OSBPL3: variants seen among roughly 807,000 people sequenced by gnomAD.
OSBPL3 encodes oxysterol-binding protein-related protein 3.
A neutral mutation model predicts 120.1 loss-of-function variants in OSBPL3; 65 were observed. The observed-to-expected ratio is 0.54, with a 90% CI of 0.44 to 0.67. The LOEUF is 0.67. Among genes scored for constraint, OSBPL3 ranks in the 30% least tolerant of loss-of-function variants. The probability of loss-of-function intolerance (pLI) is 0.00; values close to 1 mark genes in which losing one functional copy is unlikely to be tolerated. For synonymous variants in OSBPL3, 416 were observed against 402.6 expected, an observed-to-expected ratio of 1.03 and a Z score of -0.40; for missense variants, 1,004 against 1,082.1, an observed-to-expected ratio of 0.93 and a Z score of 1.01.
At chr7:24,866,034 C>A (rs544110335) in intron 6 of OSBPL3, 36 bp downstream of exon 6, 29 of 1,572,906 alleles carry the variant, frequency 1.8e-5, no homozygotes, top group Non-Finnish European at 2.4e-5. Flanking sequence ...AAAGCCACCC[C>A]GTTCTCAGAT....
chr7:24,828,633 A>AAAAAAAAAG (rs1554349993), intron 16 of OSBPL3, among the ~76,000 whole-genome samples: 7 of 134,626 alleles, frequency 5.2e-5, no homozygotes, highest in Non-Finnish European at 9.9e-5. Context: ...AAAAAAAAAA[A>AAAAAAAAAG]AAAGGCATCG....
In OSBPL3 at chr7:24,806,957, T is replaced by G; in HGVS notation, c.2318-55A>C. ...ACTTGCATGTTACTTATGTTACATT[T>G]TAATTCCTTCACCTTTTTCGTCTCA... is the stretch of plus-strand genomic sequence containing the variant. On this transcript the variant is annotated intron_variant, in intron 20 of 22. Transcript: ENST00000313367. The surrounding 1 kb of genome is among the most constrained non-coding windows in gnomAD (Gnocchi z 5.2). The G allele has an allele frequency of 6.7e-7, 1 of 1,490,548 alleles. No homozygotes were observed. The highest frequency in any genetic ancestry group is 9.1e-7 in the Non-Finnish European group (1 of 1,101,880). The allele number at this position is 1,490,548 out of a possible 1,614,324, so 92.3% of individuals were successfully genotyped here.
chr7:24,908,072 T>C (rs1210931306), intron 1 of OSBPL3, among the ~76,000 whole-genome samples: 1 of 152,218 alleles, frequency 6.6e-6, no homozygotes, highest in African/African-American at 2.4e-5. Context: ...CCATTTTAAG[T>C]CTTTGGCCAC....
chr7:24,892,530 C>T lies in OSBPL3; in HGVS notation c.-58G>A, dbSNP rs911936184. 122 of 1,584,352 alleles carry T rather than the reference C, an allele frequency of 7.7e-5. No homozygotes were observed. Among genetic ancestry groups the T allele is most frequent in the Non-Finnish European group, 1.0e-4 (118 of 1,158,700 alleles). On this transcript the variant is annotated 5_prime_UTR_variant, in exon 2 of 23. Transcript: ENST00000313367. ...AAATGCCATCAGATGACAAGGGAGC[C>T]GAGAGTATGGAAGTCCCCAGTGGCA...
chr7:24,866,820 G>A (rs189459059), intron 5 of OSBPL3, among the ~76,000 whole-genome samples: 94 of 152,252 alleles, frequency 6.2e-4, no homozygotes, highest in African/African-American at 2.2e-3. Flanking sequence ...TTATTTATTT[G>A]AGACGGAGTC....
rs1054184174 is a variant in OSBPL3, at chr7:24,964,389, T to G, written c.-150+15497A>C. On this transcript the variant is annotated intron_variant, in intron 1 of 22. Coordinates refer to ENST00000313367, the MANE Select transcript of OSBPL3 (RefSeq NM_015550.4). This position sits in a 1 kb window ranked among gnomAD's most constrained non-coding sequence, Gnocchi z 4.2. ...AAATCATGCTGCTAACATATACTCT[T>G]GATATGATGTAATGAGAATGGCATT... Among the ~76,000 whole-genome samples the G allele has an allele frequency of 4.1e-4, 63 of 152,220 alleles. No individual in the cohort carries two copies. Among genetic ancestry groups the G allele is most frequent in the Non-Finnish European group, 1.6e-4 (11 of 68,038 alleles).
At chr7:24,886,019 C>T (rs1303993715) in intron 2 of OSBPL3, among the ~76,000 whole-genome samples, 1 of 152,160 alleles carries the variant, frequency 6.6e-6, no homozygotes, top group Non-Finnish European at 1.5e-5. Context: ...ATTCTCCCTC[C>T]CACTTAGATA....
intron 10 of OSBPL3, among the ~76,000 whole-genome samples, chr7:24,856,037 T>TA (rs1227265328): frequency 1.3e-5 from 2 of 152,228 alleles, no homozygotes; most frequent in African/African-American, 4.8e-5. Context: ...TTCCTGCTGC[T>TA]AAGACATTTG....
intron 1 of OSBPL3, among the ~76,000 whole-genome samples, chr7:24,957,631 T>C (rs1419336781): frequency 6.6e-6 from 1 of 152,202 alleles, no homozygotes; most frequent in Non-Finnish European, 1.5e-5. Context: ...TATCAACCAC[T>C]GAATTATTTT....
At chr7:24,948,328 A>G (rs962225058) in intron 1 of OSBPL3, among the ~76,000 whole-genome samples, 1 of 152,232 alleles carries the variant, frequency 6.6e-6, no homozygotes, top group African/African-American at 2.4e-5. Context: ...TTTTCTATTA[A>G]TACTTCAGAA....
Position 24,826,269 on chromosome 7 carries a change from T to A in OSBPL3, c.1884+4499A>T, listed in dbSNP as rs143022086. 2.9e-3 allele frequency among the ~76,000 whole-genome samples: 443 copies of A among 152,232 alleles called. 3 individuals are homozygous for A. The highest frequency in any genetic ancestry group is 0.01 in the African/African-American group (426 of 41,536). On this transcript the variant is annotated intron_variant, in intron 16 of 22. Transcript: ENST00000313367. ...GTAGAAAGCCAAGGTTGAAACCGAT[T>A]TTTTGGCACAAAGGAAACCTCTGAG...
intron 1 of OSBPL3, among the ~76,000 whole-genome samples, chr7:24,943,682 G>C (rs1294751524): frequency 6.6e-6 from 1 of 152,166 alleles, no homozygotes; most frequent in Non-Finnish European, 1.5e-5. Context: ...TTTTGAAACA[G>C]ATCAGGCAAG....
chr7:24,960,638 A>C (rs1011796579), intron 1 of OSBPL3, among the ~76,000 whole-genome samples: 1 of 152,194 alleles, frequency 6.6e-6, no homozygotes, highest in African/African-American at 2.4e-5. Context: ...TTTGATCCCA[A>C]CAAAACTCAA....
intron 1 of OSBPL3, among the ~76,000 whole-genome samples, chr7:24,979,031 G>C (rs1817892994): frequency 6.6e-6 from 1 of 152,212 alleles, no homozygotes; most frequent in Non-Finnish European, 1.5e-5. Flanking sequence ...TCCCCGGGAA[G>C]CTGGGCAGCG....
rs1235570422 is a variant in OSBPL3 at position 24,818,500 on chromosome 7, A to G, written c.1948+1675T>C. Among the ~76,000 whole-genome samples the G allele has an allele frequency of 1.3e-5, 2 of 152,224 alleles. No homozygotes were observed. The highest frequency in any genetic ancestry group is 2.9e-5 in the Non-Finnish European group (2 of 68,046). On this transcript the variant is annotated intron_variant, in intron 17 of 22. Coordinates refer to ENST00000313367, the MANE Select transcript of OSBPL3 (RefSeq NM_015550.4). The surrounding 1 kb of genome is among the most constrained non-coding windows in gnomAD (Gnocchi z 4.0). ...GTAAATCTCACTATATGAAACTGGC[A>G]TAATATTATTTGATGATATTAAAAA...
Position 24,833,400 on chromosome 7 carries a change from G to A in OSBPL3, c.1746+1086C>T, listed in dbSNP as rs552658883. Among the ~76,000 whole-genome samples, 2 of 152,354 alleles carry A rather than the reference G, an allele frequency of 1.3e-5. No homozygotes were observed. Among genetic ancestry groups the A allele is most frequent in the Admixed American group, 6.5e-5 (1 of 15,308 alleles). The stretch of plus-strand genomic sequence containing the variant: ...AAGTCTCTTTGATGGGGAGGCCCTG[G>A]AGACTGGGCAGAATGACTATGGGCT... On this transcript the variant is annotated intron_variant, in intron 15 of 22. Coordinates refer to ENST00000313367, the MANE Select transcript of OSBPL3 (RefSeq NM_015550.4). This position sits in a 1 kb window ranked among gnomAD's most constrained non-coding sequence, Gnocchi z 4.4.
intron 1 of OSBPL3, among the ~76,000 whole-genome samples, chr7:24,948,028 CT>C (rs961870019): frequency 9.1e-4 from 139 of 152,222 alleles, no homozygotes; most frequent in African/African-American, 3.2e-3. Flanking sequence ...CTAAGACGAC[CT>C]ATCATATACC....
At chr7:24,978,977 G>C (rs907039977) in intron 1 of OSBPL3, among the ~76,000 whole-genome samples, 1 of 152,128 alleles carries the variant, frequency 6.6e-6, no homozygotes, top group Non-Finnish European at 1.5e-5. Flanking sequence ...GTATCTGGAC[G>C]ACCTGCGACA....
intron 1 of OSBPL3, among the ~76,000 whole-genome samples, chr7:24,902,693 G>C (rs1172907102): frequency 1.0e-5 from 1 of 98,422 alleles, no homozygotes; most frequent in African/African-American, 4.3e-5. Flanking sequence ...TCATTTACAA[G>C]AGAAAATAAA....
Sources: allele counts gnomAD v4.1 joint callset (sites outside exome capture counted in the v4.1 genomes callset), GRCh38; gene constraint gnomAD v4.1.1; non-coding constraint Gnocchi (gnomAD v3.1); transcripts MANE v1.5; gene names NCBI Gene and HGNC (gene_info 2026-07-23, HGNC 2026-07-21).